ATP8B1: variants seen among roughly 807,000 people sequenced by gnomAD.
The protein encoded by ATP8B1 is ATPase phospholipid transporting 8B1, also known as phospholipid-transporting ATPase IC.
Under a neutral mutation model 149.9 loss-of-function variants are expected in ATP8B1, and 80 were observed. The ratio of observed to expected loss-of-function variants is 0.53; its 90% CI spans 0.45 to 0.64. The LOEUF is 0.64. Ranked by LOEUF, ATP8B1 falls within the 30% of genes least tolerant of loss-of-function variation. ATP8B1 has a pLI of 0.00. For missense variants in ATP8B1, 1,247 were observed against 1,552.6 expected, an observed-to-expected ratio of 0.80 and a Z score of 3.31; for synonymous variants, 536 against 562.8, an observed-to-expected ratio of 0.95 and a Z score of 0.67.
At chr18:57,697,217 A>G (rs147654985) in intron 8 of ATP8B1, among the ~76,000 whole-genome samples, 1,549 of 152,208 alleles carry the variant, frequency 0.01, 23 homozygotes, top group African/African-American at 0.036. Context: ...GAGCTGAGAT[A>G]GCACCACTAC....
At chr18:57,698,952 G>A (rs904769104) in intron 6 of ATP8B1, among the ~76,000 whole-genome samples, 2 of 152,246 alleles carry the variant, frequency 1.3e-5, no homozygotes, top group South Asian at 2.1e-4. Flanking sequence ...CTCATCTTCT[G>A]TCTTGAACTA....
At chr18:57,720,863 T>C (rs1005408915) in intron 2 of ATP8B1, among the ~76,000 whole-genome samples, 2 of 151,692 alleles carry the variant, frequency 1.3e-5, no homozygotes, top group Admixed American at 6.6e-5. Context: ...TGGGTTACCC[T>C]CAAAGGGAAG....
intron 2 of ATP8B1, among the ~76,000 whole-genome samples, chr18:57,713,473 A>C (rs946321178): frequency 7.5e-6 from 1 of 132,880 alleles, no homozygotes; most frequent in Non-Finnish European, 1.6e-5. Flanking sequence ...ATTTTTAAAA[A>C]TTTTTTATTT....
chr18:57,786,477 G>A (rs889665020), intron 1 of ATP8B1, among the ~76,000 whole-genome samples: 3 of 152,178 alleles, frequency 2.0e-5, no homozygotes, highest in African/African-American at 7.2e-5. Flanking sequence ...ACTCTAGAGT[G>A]CAGCCCCCAG....
At chr18:57,770,549 A>T (rs2080255386) in intron 1 of ATP8B1, among the ~76,000 whole-genome samples, 1 of 152,170 alleles carries the variant, frequency 6.6e-6, no homozygotes, top group Admixed American at 6.5e-5. Flanking sequence ...CACCCTCAGA[A>T]CAGGGTACCC....
At chr18:57,781,583 A>C (rs2080357603) in intron 1 of ATP8B1, among the ~76,000 whole-genome samples, 2 of 152,224 alleles carry the variant, frequency 1.3e-5, no homozygotes, top group Admixed American at 1.3e-4. Context: ...TTAATTGATC[A>C]GTTATTGAAT....
intron 1 of ATP8B1, among the ~76,000 whole-genome samples, chr18:57,755,941 C>T (rs1391762459): frequency 6.6e-6 from 1 of 152,026 alleles, no homozygotes; most frequent in Admixed American, 6.6e-5. Flanking sequence ...GCTTAAGTTA[C>T]ATATAGTTCA....
At chr18:57,753,864 G>C (rs777427640) in intron 1 of ATP8B1, among the ~76,000 whole-genome samples, 45 of 144,202 alleles carry the variant, frequency 3.1e-4, no homozygotes, top group Admixed American at 5.1e-4. Context: ...GGAGGCGGAG[G>C]TTGCAGTGAG....
At chr18:57,701,966 G>A (rs769968824) in intron 4 of ATP8B1, among the ~76,000 whole-genome samples, 23 of 152,102 alleles carry the variant, frequency 1.5e-4, no homozygotes, top group Non-Finnish European at 2.9e-4. Context: ...CCAAAGTGCC[G>A]GGATTACAGG....
chr18:57,778,366 C>T (rs2080327754), intron 1 of ATP8B1, among the ~76,000 whole-genome samples: 1 of 151,446 alleles, frequency 6.6e-6, no homozygotes, highest in South Asian at 2.1e-4. Context: ...GCTGGGACTA[C>T]AGGCGCCCGC....
chr18:57,650,335 A>AC (rs760009758), intron 27 of ATP8B1, 32 bp downstream of exon 27: 2 of 1,608,472 alleles, frequency 1.2e-6, no homozygotes, highest in South Asian at 2.2e-5. Context: ...TCTGTGAGGG[A>AC]CAGAGTTGGG....
intron 25 of ATP8B1, 41 bp downstream of exon 25, chr18:57,652,443 G>A (rs917293206): frequency 2.5e-6 from 4 of 1,613,208 alleles, no homozygotes; most frequent in East Asian, 2.2e-5. Flanking sequence ...ATATAAGTAG[G>A]TACCAATAGA....
rs1039802110 is a variant in ATP8B1 at position 57,673,526 on chromosome 18, TTC to T, written c.1819+1306_1819+1307del. 9.7e-4 allele frequency among the ~76,000 whole-genome samples: 147 copies of T among 152,236 alleles called. 1 individual carries two copies. The highest frequency in any genetic ancestry group is 3.4e-3 in the African/African-American group (140 of 41,540). Reference sequence around the variant, plus strand: ...TTATTCTCTTTTTTATATTTTTATTTTCTTTTTTTATCATGTAATCTTGCTCC... The same window carrying T: ...TTATTCTCTTTTTTATATTTTTATTTTTTTTTTATCATGTAATCTTGCTCC... On this transcript the variant is annotated intron_variant, in intron 16 of 27. Coordinates refer to ENST00000648908, the MANE Select transcript of ATP8B1 (RefSeq NM_001374385.1).
intron 1 of ATP8B1, among the ~76,000 whole-genome samples, chr18:57,764,391 TTCTC>T (rs1430492126): frequency 6.7e-6 from 1 of 148,228 alleles, no homozygotes; most frequent in East Asian, 2.0e-4. Flanking sequence ...TTTTCTCTCT[TTCTC>T]TCTTTCTTTC....
chr18:57,684,850 GAC>G (rs1334077056), intron 14 of ATP8B1, among the ~76,000 whole-genome samples: 1 of 152,158 alleles, frequency 6.6e-6, no homozygotes, highest in African/African-American at 2.4e-5. Flanking sequence ...TGTGGACAGA[GAC>G]ACACAGACAC....
chr18:57,709,323 G>A (rs59877283), intron 2 of ATP8B1, among the ~76,000 whole-genome samples: 1 of 152,262 alleles, frequency 6.6e-6, no homozygotes, highest in Non-Finnish European at 1.5e-5. Flanking sequence ...GGATTTGCTT[G>A]TACATTAAAG....
At chr18:57,703,671 C>G (rs962920062) in intron 4 of ATP8B1, among the ~76,000 whole-genome samples, 1 of 151,900 alleles carries the variant, frequency 6.6e-6, no homozygotes, top group African/African-American at 2.4e-5. Flanking sequence ...TTGATTCTGG[C>G]GCTAACTAGT....
intron 1 of ATP8B1, among the ~76,000 whole-genome samples, chr18:57,744,655 C>T (rs1253402737): frequency 6.6e-6 from 1 of 152,156 alleles, no homozygotes; most frequent in African/African-American, 2.4e-5. Context: ...TATAATTAGG[C>T]TTTAAAGTTA....
chr18:57,769,108 C>G (rs1369698061), intron 1 of ATP8B1, among the ~76,000 whole-genome samples: 6 of 152,178 alleles, frequency 3.9e-5, no homozygotes, highest in Non-Finnish European at 4.4e-5. Context: ...AGCTTCCTTG[C>G]TCAACCGTGG....
Sources: gnomAD v4.1 joint callset for allele counts (sites outside exome capture counted in the v4.1 genomes callset) on GRCh38, gnomAD v4.1.1 for gene constraint, MANE v1.5 for transcripts, NCBI Gene and HGNC (gene_info 2026-07-23, HGNC 2026-07-21) for gene names.